Variants in CTTNBP2 observed in about 807,000 individuals in gnomAD.
CTTNBP2 encodes cortactin binding protein 2.
A neutral mutation model predicts 156.9 loss-of-function variants in CTTNBP2; 108 were observed. The ratio of observed to expected loss-of-function variants is 0.69; its 90% CI spans 0.59 to 0.81. CTTNBP2 has a LOEUF of 0.81. Ranked by LOEUF, CTTNBP2 falls within the 30% of genes least tolerant of loss-of-function variation. The probability of loss-of-function intolerance (pLI) is 0.00; values close to 1 mark genes in which losing one functional copy is unlikely to be tolerated. For synonymous variants in CTTNBP2, 767 were observed against 751.8 expected (o/e 1.02, Z -0.33); for missense variants, 1,924 against 2,035.4 (o/e 0.95, Z 1.05).
intron 9 of CTTNBP2, among the ~76,000 whole-genome samples, chr7:117,764,156 G>A (rs188496024): frequency 6.6e-6 from 1 of 152,150 alleles, no homozygotes; most frequent in Non-Finnish European, 1.5e-5. Flanking sequence ...TCAAGATCAA[G>A]ACAATTATTT....
At chr7:117,832,919 CT>C (rs34157150) in intron 2 of CTTNBP2, among the ~76,000 whole-genome samples, 104,040 of 150,218 alleles carry the variant, frequency 0.69, 36,425 homozygotes, top group African/African-American at 0.81. Context: ...GCTTTTTTTT[CT>C]TTTTTTTTGT....
chr7:117,828,375 G>A (rs1801418157), intron 2 of CTTNBP2, among the ~76,000 whole-genome samples: 1 of 152,136 alleles, frequency 6.6e-6, no homozygotes, highest in Admixed American at 6.6e-5. Context: ...GCAAACTGTG[G>A]GTAGGGCACT....
intron 10 of CTTNBP2, among the ~76,000 whole-genome samples, chr7:117,758,562 T>C (rs1444074235): frequency 1.3e-5 from 2 of 152,168 alleles, no homozygotes; most frequent in Non-Finnish European, 2.9e-5. Flanking sequence ...TTTCATCTCT[T>C]CCTTCCACAG....
intron 2 of CTTNBP2, among the ~76,000 whole-genome samples, chr7:117,830,739 C>T (rs878999024): frequency 5.3e-5 from 8 of 152,170 alleles, no homozygotes; most frequent in Admixed American, 2.0e-4. Flanking sequence ...CTAGAATGAA[C>T]GCCACCCTTC....
At chr7:117,814,272 AAT>A (rs961699851) in intron 2 of CTTNBP2, among the ~76,000 whole-genome samples, 3 of 152,008 alleles carry the variant, frequency 2.0e-5, no homozygotes, top group African/African-American at 4.8e-5. Context: ...ACTGGTGTGA[AAT>A]AGTTTTTTAC....
intron 3 of CTTNBP2, among the ~76,000 whole-genome samples, chr7:117,800,747 A>G (rs1295083730): frequency 6.6e-6 from 1 of 152,132 alleles, no homozygotes; most frequent in Non-Finnish European, 1.5e-5. Context: ...TGTCAGTGTC[A>G]GTATACTGAC....
chr7:117,745,703 C>A, intron 14 of CTTNBP2, 128 bp downstream of exon 14: 1 of 647,854 alleles, frequency 1.5e-6, no homozygotes, highest in Non-Finnish European at 2.7e-6. Context: ...AGTGTTTATC[C>A]CACAGCTGCT....
intron 14 of CTTNBP2, among the ~76,000 whole-genome samples, chr7:117,737,217 A>C (rs1451248587): frequency 6.6e-6 from 1 of 152,174 alleles, no homozygotes; most frequent in African/African-American, 2.4e-5. Context: ...TTCAAATGTT[A>C]TTTCAGAAAT....
At chr7:117,817,362 AT>A (rs59884466) in intron 2 of CTTNBP2, among the ~76,000 whole-genome samples, 1,789 of 25,398 alleles carry the variant, frequency 0.07, 131 homozygotes, top group Non-Finnish European at 0.11. Flanking sequence ...AAAAAAAAAA[AT>A]ATATATATAT....
chr7:117,802,451 A>C (rs1179962462), intron 3 of CTTNBP2, among the ~76,000 whole-genome samples: 12 of 138,092 alleles, frequency 8.7e-5, no homozygotes, highest in South Asian at 6.7e-4. Context: ...AAAAAAAAAA[A>C]AAAAAACAAA....
chr7:117,775,849 CA>C (rs1798067387), intron 8 of CTTNBP2, among the ~76,000 whole-genome samples: 1 of 152,134 alleles, frequency 6.6e-6, no homozygotes. Flanking sequence ...ACAAACAAAT[CA>C]AGTTCCCAGA....
At chr7:117,773,680 C>T (rs1399958416) in intron 8 of CTTNBP2, among the ~76,000 whole-genome samples, 2 of 150,384 alleles carry the variant, frequency 1.3e-5, no homozygotes, top group African/African-American at 4.9e-5. Flanking sequence ...CACACACACA[C>T]ACACACACAC....
chr7:117,746,598 T>C (rs1186917072), intron 12 of CTTNBP2, among the ~76,000 whole-genome samples: 2 of 152,170 alleles, frequency 1.3e-5, no homozygotes, highest in Non-Finnish European at 2.9e-5. Flanking sequence ...TTCCTTCCAG[T>C]TTTTTCTTTG....
intron 12 of CTTNBP2, among the ~76,000 whole-genome samples, chr7:117,756,339 C>A (rs1448287739): frequency 6.6e-6 from 1 of 151,980 alleles, no homozygotes; most frequent in African/African-American, 2.4e-5. Flanking sequence ...CACAGGTGGT[C>A]TCTGGATCCA....
intron 1 of CTTNBP2, among the ~76,000 whole-genome samples, chr7:117,862,167 C>T (rs1803802127): frequency 6.6e-6 from 1 of 151,968 alleles, no homozygotes. Flanking sequence ...GTTTGGAACC[C>T]CTGCTGTTTG....
rs1352116914 is a variant in CTTNBP2, at chr7:117,711,486, G to A, written c.*51C>T. The stretch of plus-strand genomic sequence containing the variant: ...AAGGTATTTGTATCTTGTTGTCCTT[G>A]GTTTCTGTGTGAAATAGAGGAAGTT... On this transcript the variant is annotated 3_prime_UTR_variant, in exon 23 of 23. Transcript: ENST00000160373. 6.5e-7 allele frequency: 1 copy of A among 1,548,680 alleles called. No homozygotes were observed. Among genetic ancestry groups the A allele is most frequent in the East Asian group, 2.3e-5 (1 of 44,396 alleles).
chr7:117,765,785 A>G (rs956752429), intron 9 of CTTNBP2, among the ~76,000 whole-genome samples: 2 of 152,186 alleles, frequency 1.3e-5, no homozygotes, highest in Admixed American at 1.3e-4. Flanking sequence ...TCCCAGAAAG[A>G]GCTGCCTACA....
At chr7:117,810,046 A>G (rs890423699) in intron 3 of CTTNBP2, among the ~76,000 whole-genome samples, 3 of 152,146 alleles carry the variant, frequency 2.0e-5, no homozygotes, top group Non-Finnish European at 4.4e-5. Context: ...TATTATCACC[A>G]CAAGTTTTCA....
chr7:117,852,500 T>G (rs749373932), intron 2 of CTTNBP2, among the ~76,000 whole-genome samples: 1 of 152,168 alleles, frequency 6.6e-6, no homozygotes, highest in African/African-American at 2.4e-5. Context: ...CATTCTCAAG[T>G]GCACCAGCAT....
Sources: allele counts gnomAD v4.1 joint callset (sites outside exome capture counted in the v4.1 genomes callset), GRCh38; gene constraint gnomAD v4.1.1; transcripts MANE v1.5; gene names NCBI Gene and HGNC (gene_info 2026-07-23, HGNC 2026-07-21).